Variants in PRKAG2 observed in about 807,000 individuals in gnomAD.
PRKAG2 encodes protein kinase AMP-activated non-catalytic subunit gamma 2.
Under a neutral mutation model 69.6 loss-of-function variants are expected in PRKAG2, and 26 were observed. That is an observed-to-expected ratio of 0.37 (90% CI 0.27 to 0.52). PRKAG2 has a LOEUF of 0.52. PRKAG2 is among the 20% of genes least tolerant of loss of function. PRKAG2 has a pLI of 0.90. For missense variants in PRKAG2, 557 were observed against 740.0 expected (o/e 0.75, Z 2.87); for synonymous variants, 293 against 285.0 (o/e 1.03, Z -0.28).
At chr7:151,868,271 C>T (rs2080128011) in intron 1 of PRKAG2, among the ~76,000 whole-genome samples, 1 of 152,206 alleles carries the variant, frequency 6.6e-6, no homozygotes, top group South Asian at 2.1e-4. Context: ...CATTCCAAGG[C>T]AGGGCTAAAA....
At chr7:151,667,468 A>T (rs1831222563) in intron 4 of PRKAG2, among the ~76,000 whole-genome samples, 1 of 152,176 alleles carries the variant, frequency 6.6e-6, no homozygotes. Context: ...GATAAGGTAG[A>T]TTGTCTTGGT....
intron 4 of PRKAG2, among the ~76,000 whole-genome samples, chr7:151,643,343 A>G (rs945395696): frequency 6.6e-6 from 1 of 152,228 alleles, no homozygotes; most frequent in African/African-American, 2.4e-5. Flanking sequence ...CAATGTACAG[A>G]ATGATATAGT....
intron 3 of PRKAG2, among the ~76,000 whole-genome samples, chr7:151,703,604 C>T (rs1838081146): frequency 6.6e-6 from 1 of 152,030 alleles, no homozygotes; most frequent in African/African-American, 2.4e-5. Flanking sequence ...TAACCAGCAC[C>T]CAGAGAAGGA....
chr7:151,696,833 C>T (rs1020038503), intron 3 of PRKAG2, among the ~76,000 whole-genome samples: 25 of 152,150 alleles, frequency 1.6e-4, no homozygotes, highest in African/African-American at 4.6e-4. Flanking sequence ...GGGAGCAGCC[C>T]GGAGTGTCTC....
intron 3 of PRKAG2, among the ~76,000 whole-genome samples, chr7:151,679,345 T>A (rs1833472269): frequency 6.6e-6 from 1 of 152,098 alleles, no homozygotes; most frequent in Non-Finnish European, 1.5e-5. Context: ...TATCCTTCAG[T>A]GGTTCCTGCA....
At chr7:151,720,801 G>A (rs1049668972) in intron 3 of PRKAG2, among the ~76,000 whole-genome samples, 52 of 137,282 alleles carry the variant, frequency 3.8e-4, no homozygotes, top group Non-Finnish European at 5.8e-4. Context: ...TGAGGGGAGA[G>A]AGGGCAATGG....
intron 1 of PRKAG2, among the ~76,000 whole-genome samples, chr7:151,866,130 A>G (rs1161175586): frequency 2.0e-5 from 3 of 152,222 alleles, no homozygotes; most frequent in Non-Finnish European, 2.9e-5. Context: ...GAAAGGGGCC[A>G]AGTGAAGCGT....
At chr7:151,740,288 G>C (rs987200853) in intron 3 of PRKAG2, among the ~76,000 whole-genome samples, 1 of 152,174 alleles carries the variant, frequency 6.6e-6, no homozygotes, top group East Asian at 1.9e-4. Flanking sequence ...GGGTTGCTCT[G>C]GCCTTGCTGT....
rs1166205736 is a variant in PRKAG2 at position 151,814,853 on chromosome 7, C to T, written c.115-28312G>A. On this transcript the variant is annotated intron_variant, in intron 1 of 15. Coordinates refer to ENST00000287878, the MANE Select transcript of PRKAG2 (RefSeq NM_016203.4). This position sits in a 1 kb window ranked among gnomAD's most constrained non-coding sequence, Gnocchi z 4.8. ...AACTGTCATTCCCACCTGTGTCAGGCGCTGCTGGGGAGGAAACTCCTTACC... is the reference window on the plus strand; with the variant it reads ...AACTGTCATTCCCACCTGTGTCAGGTGCTGCTGGGGAGGAAACTCCTTACC... The T allele has an allele frequency of 8.9e-6, 11 of 1,231,650 alleles. No individual in the cohort carries two copies. Among genetic ancestry groups the T allele is most frequent in the African/African-American group, 3.1e-5 (2 of 64,428 alleles). 76.3% of individuals were successfully genotyped at this position (1,231,650 alleles called of 1,614,324 possible).
Position 151,688,055 on chromosome 7 carries a change from C to G in PRKAG2, c.467-12418G>C, listed in dbSNP as rs550939667. 9.9e-5 allele frequency among the ~76,000 whole-genome samples: 15 copies of G among 150,962 alleles called. No homozygotes were observed. The East Asian group carries it at 2.9e-3, about 30-fold the overall frequency. ...GGAGGAAATGAGGCCCCCCCCCGGG[C>G]TCCTTGCTGAGTCAGCATGGTGACT... On this transcript the variant is annotated intron_variant, in intron 3 of 15. Transcript: ENST00000287878.
At position 151,807,633 on chromosome 7, in the gene PRKAG2, C is replaced by T. The variant is rs2078182613; in HGVS notation, c.115-21092G>A. 1 of 457,726 alleles carries T rather than the reference C, an allele frequency of 2.2e-6. No individual in the cohort carries two copies. The highest frequency in any genetic ancestry group is 4.4e-6 in the Non-Finnish European group (1 of 226,874). 28.4% of individuals were successfully genotyped at this position (457,726 alleles called of 1,614,324 possible). ...GCCACCAAAAGCCCAGTTTCTCCAACAGGTAAGTCCCAGCAGGGTGCGATG... is the reference window on the plus strand; with the variant it reads ...GCCACCAAAAGCCCAGTTTCTCCAATAGGTAAGTCCCAGCAGGGTGCGATG... On this transcript the variant is annotated intron_variant, in intron 1 of 15. Coordinates refer to ENST00000287878, the MANE Select transcript of PRKAG2 (RefSeq NM_016203.4). This position sits in a 1 kb window ranked among gnomAD's most constrained non-coding sequence, Gnocchi z 4.4.
chr7:151,858,740 G>C (rs554405735), intron 1 of PRKAG2, among the ~76,000 whole-genome samples: 1 of 152,346 alleles, frequency 6.6e-6, no homozygotes, highest in Admixed American at 6.5e-5. Context: ...CCAGTGCTGA[G>C]ATGGGTTTGG....
At chr7:151,630,825 A>T (rs1824231882) in intron 5 of PRKAG2, among the ~76,000 whole-genome samples, 1 of 152,252 alleles carries the variant, frequency 6.6e-6, no homozygotes, top group African/African-American at 2.4e-5. Flanking sequence ...GGTTCGAATG[A>T]AGACCCTGGA....
intron 1 of PRKAG2, among the ~76,000 whole-genome samples, chr7:151,830,188 G>A (rs1013735462): frequency 6.8e-6 from 1 of 147,502 alleles, no homozygotes; most frequent in Admixed American, 6.8e-5. Flanking sequence ...TCAGCGGTTT[G>A]CCATTCGCCA....
chr7:151,573,284 G>A (rs79720560), intron 8 of PRKAG2, among the ~76,000 whole-genome samples: 3,649 of 146,476 alleles, frequency 0.025, 132 homozygotes, highest in East Asian at 0.17. Flanking sequence ...CAGCCTCTGA[G>A]TAACTTGGAC....
At chr7:151,876,371 C>A in intron 1 of PRKAG2, 136 bp downstream of exon 1, 1 of 865,436 alleles carries the variant, frequency 1.2e-6, no homozygotes, top group Non-Finnish European at 1.9e-6. Context: ...TGTCCCTCTA[C>A]CCTTTCCCCA....
At chr7:151,735,786 C>T (rs901794801) in intron 3 of PRKAG2, 2 of 1,376,456 alleles carry the variant, frequency 1.5e-6, no homozygotes, top group African/African-American at 1.4e-5. Flanking sequence ...TGTTATATCC[C>T]AGTTGGAAGA....
chr7:151,862,172 G>A (rs2079946780), intron 1 of PRKAG2, among the ~76,000 whole-genome samples: 1 of 143,000 alleles, frequency 7.0e-6, no homozygotes, highest in Non-Finnish European at 1.5e-5. Flanking sequence ...CATGGCAGAT[G>A]CCTCCTGCCA....
At chr7:151,765,358 C>A (rs6946043) in intron 3 of PRKAG2, among the ~76,000 whole-genome samples, 102,520 of 152,044 alleles carry the variant, frequency 0.67, 35,216 homozygotes, top group East Asian at 0.94. Flanking sequence ...TCACTATCGC[C>A]AGAATAGCAA....
Sources: gnomAD v4.1 joint callset for allele counts (sites outside exome capture counted in the v4.1 genomes callset) on GRCh38, gnomAD v4.1.1 for gene constraint, Gnocchi (gnomAD v3.1) non-coding constraint, MANE v1.5 for transcripts, NCBI Gene and HGNC (gene_info 2026-07-23, HGNC 2026-07-21) for gene names.